The following NBEAL1 variants were observed in gnomAD, a reference collection of about 807,000 sequenced individuals.
NBEAL1 encodes the protein neurobeachin like 1.
In NBEAL1, 273 loss-of-function variants were observed where a neutral mutation model predicts 351.3. The ratio of observed to expected loss-of-function variants is 0.78; its 90% confidence interval spans 0.70 to 0.86. The LOEUF (loss-of-function observed/expected upper bound fraction) is 0.86, where lower values mean the gene tolerates loss of function less well. NBEAL1 is among the 40% of genes least tolerant of loss of function. NBEAL1 has a pLI of 0.00. For synonymous variants in NBEAL1, 1,050 were observed against 1,086.4 expected (o/e 0.97, Z 0.66); for missense variants, 2,961 against 3,201.3 (o/e 0.92, Z 1.81).
chr2:203,153,506 C>G (rs1575053219), intron 35 of NBEAL1, among the ~76,000 whole-genome samples: 2 of 152,146 alleles, frequency 1.3e-5, no homozygotes, highest in African/African-American at 2.4e-5. Flanking sequence ...TAAAATGAAT[C>G]AAGAGAGCTA....
intron 54 of NBEAL1, 31 bp from the exon 55 acceptor site, chr2:203,213,487 A>C (rs1218677128): frequency 6.4e-7 from 1 of 1,574,590 alleles, no homozygotes; most frequent in South Asian, 1.1e-5. Flanking sequence ...AATCCGTGTA[A>C]TTATGTCTGT....
chr2:203,208,646 C>G lies in NBEAL1; in HGVS notation c.7516C>G (p.Pro2506Ala), dbSNP rs1403579903. 1.2e-6 allele frequency: 2 copies of G among 1,606,206 alleles called. No homozygotes were observed. Among genetic ancestry groups the G allele is most frequent in the African/African-American group, 2.7e-5 (2 of 74,512 alleles). The change falls in exon 52 of 56, where the codon CCT (proline) becomes GCT (alanine). Residue 2506 changes from proline to alanine, a missense_variant. Physicochemically the swap from Pro to Ala is conservative, Grantham distance 27. Transcript: ENST00000683969. The part of the protein sequence containing the change: ...IWQITQQGGV[P>A]VGLASKPFQI... Reference sequence around the variant, plus strand: ...TCTCTTGTATTATTAGGGAGGTGTTCCTGTGGGCTTAGCATCTAAACCTTT... The same window carrying G: ...TCTCTTGTATTATTAGGGAGGTGTTGCTGTGGGCTTAGCATCTAAACCTTT...
chr2:203,111,749 G>A (rs2062577481), intron 15 of NBEAL1, among the ~76,000 whole-genome samples: 1 of 152,044 alleles, frequency 6.6e-6, no homozygotes, highest in Admixed American at 6.6e-5. Flanking sequence ...CTAAAGCTTT[G>A]GAAATGCAGA....
Position 203,125,961 on chromosome 2 carries a change from G to A in NBEAL1, c.2853G>A (p.Glu951=), listed in dbSNP as rs2106282751. 1 of 1,522,344 alleles carries A rather than the reference G, an allele frequency of 6.6e-7. No individual in the cohort carries two copies. The highest frequency in any genetic ancestry group is 1.3e-5 in the South Asian group (1 of 78,028). The allele number at this position is 1,522,344 out of a possible 1,614,324, so 94.3% of individuals were successfully genotyped here. Reference sequence around the variant, plus strand: ...ATTAATATGTTCCTGATTCTACAGAGTCAAGACTAGAGAGAAACCTAGTTG... The same window carrying A: ...ATTAATATGTTCCTGATTCTACAGAATCAAGACTAGAGAGAAACCTAGTTG... ...WLVWTSTKAS[E]SRLERNLVAT... Residue 951 remains glutamate (E), a splice_region_variant and synonymous_variant, in exon 21 of 56, where the codon GAG becomes GAA. Coordinates refer to ENST00000683969, the MANE Select transcript of NBEAL1 (RefSeq NM_001378026.1).
intron 4 of NBEAL1, among the ~76,000 whole-genome samples, chr2:203,050,327 A>G (rs1313968494): frequency 6.6e-6 from 1 of 152,180 alleles, no homozygotes; most frequent in Non-Finnish European, 1.5e-5. Context: ...ATTATTAGTG[A>G]TGTTTGTAGT....
rs956425155 is a variant in NBEAL1 at position 203,172,923 on chromosome 2, G to C, written c.6323+70G>C. On this transcript the variant is annotated intron_variant, in intron 41 of 55. Transcript: ENST00000683969. ...GAATTTGTATTGATTTTTTACTATG[G>C]CCAACCAAAAAAATTTTTTTTTTAT... 1.8e-5 allele frequency: 26 copies of C among 1,422,528 alleles called. No individual in the cohort carries two copies. The African/African-American group carries it at 3.5e-4, about 19-fold the overall frequency. The allele number at this position is 1,422,528 out of a possible 1,614,324, so 88.1% of individuals were successfully genotyped here.
At chr2:203,080,351 G>T (rs2061851068) in intron 8 of NBEAL1, among the ~76,000 whole-genome samples, 1 of 152,110 alleles carries the variant, frequency 6.6e-6, no homozygotes, top group Non-Finnish European at 1.5e-5. Flanking sequence ...GGCGGAGCTT[G>T]CAGTGAGCCG....
intron 2 of NBEAL1, among the ~76,000 whole-genome samples, chr2:203,039,497 G>T (rs2061102610): frequency 6.8e-6 from 1 of 146,856 alleles, no homozygotes; most frequent in African/African-American, 2.5e-5. Context: ...TCCGCCTCCT[G>T]GGTTCAAGCA....
chr2:203,216,024 A>G (rs1041100265), intron 55 of NBEAL1, among the ~76,000 whole-genome samples: 7 of 152,050 alleles, frequency 4.6e-5, no homozygotes, highest in Admixed American at 2.6e-4. Flanking sequence ...AAAAAAAAAA[A>G]AAAACGGTGG....
At position 203,197,387 on chromosome 2, in the gene NBEAL1, T is replaced by TAC; in HGVS notation, c.7125_7126dup (p.Leu2376HisfsTer2). On this transcript the variant is annotated frameshift_variant, in exon 48 of 56. Transcript: ENST00000683969. LOFTEE classifies it high-confidence loss of function. ...TTTATGTCTCAAGGCAGCCCTGAGT[T>TAC]ACTGGTAAGTTGATTTTTACCTTTT... 1 of 1,587,810 alleles carries TAC rather than the reference T, an allele frequency of 6.3e-7. No individual in the cohort carries two copies. Among genetic ancestry groups the TAC allele is most frequent in the Non-Finnish European group, 8.6e-7 (1 of 1,156,196 alleles).
rs137993117 is a variant in NBEAL1, at chr2:203,160,903, C to T, written c.5714+3078C>T. Among the ~76,000 whole-genome samples the T allele has an allele frequency of 8.3e-4, 126 of 152,230 alleles. 7 individuals carry two copies. The highest frequency in any genetic ancestry group is 6.8e-3 in the Middle Eastern group (2 of 294). On this transcript the variant is annotated intron_variant, in intron 36 of 55. Transcript: ENST00000683969. ...TTGGTTAGAGGTTGTGTTTAACCCC[C>T]CCGATCCAGCTGAGTGCTATAGCTC...
chr2:203,172,218 C>G (rs1304375488), intron 40 of NBEAL1, among the ~76,000 whole-genome samples, 195 bp downstream of exon 40: 1 of 151,904 alleles, frequency 6.6e-6, no homozygotes, highest in African/African-American at 2.4e-5. Flanking sequence ...TTTTCTTTCA[C>G]TTCCTTGAAA....
At chr2:203,040,376 T>C (rs1288514765) in intron 2 of NBEAL1, 1 of 716,390 alleles carries the variant, frequency 1.4e-6, no homozygotes, top group African/African-American at 1.7e-5. Context: ...ATGGCCTTTG[T>C]TGTACACATC....
chr2:203,160,658 G>A (rs1239476948), intron 36 of NBEAL1, among the ~76,000 whole-genome samples: 1 of 152,060 alleles, frequency 6.6e-6, no homozygotes, highest in Non-Finnish European at 1.5e-5. Context: ...GTAACAAACT[G>A]TAGCCAATCT....
rs138920034 is a variant in NBEAL1, at chr2:203,168,302, T to C, written c.5997+942T>C. ...AACCATGAGATTAAATGTGGCAAAT[T>C]TGGCCAGACACAGTGGCTCACGCCT... On this transcript the variant is annotated intron_variant, in intron 38 of 55. Coordinates refer to ENST00000683969, the MANE Select transcript of NBEAL1 (RefSeq NM_001378026.1). 8.8e-3 allele frequency among the ~76,000 whole-genome samples: 1,336 copies of C among 152,334 alleles called. 11 individuals are homozygous for C. Among genetic ancestry groups the C allele is most frequent in the Non-Finnish European group, 0.014 (974 of 68,028 alleles).
In NBEAL1 at chr2:203,171,921, T is replaced by C. The variant is rs1195240773; in HGVS notation, c.6103-7T>C. 6.5e-7 allele frequency: 1 copy of C among 1,536,238 alleles called. No individual in the cohort carries two copies. Among genetic ancestry groups the C allele is most frequent in the East Asian group, 2.3e-5 (1 of 43,362 alleles). On this transcript the variant is annotated splice_polypyrimidine_tract_variant and splice_region_variant and intron_variant, in intron 39 of 55. Transcript: ENST00000683969. ...ATTTTGATATTGCTCTTTTTTGTGC[T>C]GTCTAGAAATGGGTAAACAGAGAGA...
intron 7 of NBEAL1, among the ~76,000 whole-genome samples, chr2:203,074,530 G>A (rs546494714): frequency 6.8e-4 from 103 of 151,894 alleles, no homozygotes; most frequent in Non-Finnish European, 4.0e-4. Context: ...GTTTCGCCAC[G>A]TTGACCAGGC....
chr2:203,208,833 G>T, intron 52 of NBEAL1, 80 bp downstream of exon 52: 2 of 1,035,208 alleles, frequency 1.9e-6, no homozygotes, highest in Non-Finnish European at 2.8e-6. Context: ...AAGTTTTTCA[G>T]AGGAATTGAT....
intron 2 of NBEAL1, among the ~76,000 whole-genome samples, chr2:203,028,310 C>T (rs1300652092): frequency 6.6e-6 from 1 of 151,848 alleles, no homozygotes; most frequent in Admixed American, 6.6e-5. Flanking sequence ...AGCCACTGTG[C>T]CTGGCCTGAC....
Sources: allele counts gnomAD v4.1 joint callset (sites outside exome capture counted in the v4.1 genomes callset), GRCh38; gene constraint gnomAD v4.1.1; transcripts MANE v1.5; gene names NCBI Gene and HGNC (gene_info 2026-07-23, HGNC 2026-07-21).